The following MTF2 variants were observed in gnomAD, a reference collection of about 807,000 sequenced individuals.
The protein encoded by MTF2 is metal response element binding transcription factor 2.
Under a neutral mutation model 79.5 loss-of-function variants are expected in MTF2, and 11 were observed. That is an observed-to-expected ratio of 0.14 (90% CI 0.09 to 0.23). MTF2 has a LOEUF of 0.23. Among genes scored for constraint, MTF2 ranks in the 10% least tolerant of loss-of-function variants. The probability of loss-of-function intolerance (pLI) is 1.00; values close to 1 mark genes in which losing one functional copy is unlikely to be tolerated. For synonymous variants in MTF2, 208 were observed against 232.8 expected (o/e 0.89, Z 0.97); for missense variants, 486 against 711.2 (o/e 0.68, Z 3.60).
At chr1:93,102,526 A>T (rs1019068993) in intron 1 of MTF2, among the ~76,000 whole-genome samples, 19 of 152,084 alleles carry the variant, frequency 1.2e-4, no homozygotes, top group Admixed American at 3.3e-4. Context: ...CGGGAGATTG[A>T]GGCTGCAGTG....
chr1:93,085,176 TTTTCTTTTCTTTC>T (rs2101014881), intron 1 of MTF2, among the ~76,000 whole-genome samples: 1 of 151,944 alleles, frequency 6.6e-6, no homozygotes, highest in South Asian at 2.1e-4. Flanking sequence ...ACATTACCTT[TTTTCTTTTCTTTC>T]TTTCTTTTTT....
chr1:93,115,664 A>G lies in MTF2; in HGVS notation c.632+46A>G, dbSNP rs766516674. The G allele has an allele frequency of 6.2e-6, 9 of 1,441,376 alleles. No individual in the cohort carries two copies. In the Admixed American group the frequency reaches 2.0e-4, roughly 33 times the overall value. 89.3% of individuals were successfully genotyped at this position (1,441,376 alleles called of 1,614,324 possible). On this transcript the variant is annotated intron_variant, in intron 6 of 14. Transcript: ENST00000370298. ...AATTCCCTTTAAGTAATTTTTATTT[A>G]CTTATCTATTTTTCTTGATTATGGT...
chr1:93,104,907 A>G (rs989635922), intron 1 of MTF2, among the ~76,000 whole-genome samples: 1 of 152,104 alleles, frequency 6.6e-6, no homozygotes, highest in African/African-American at 2.4e-5. Context: ...CTGTAATCCC[A>G]GCACTTTGGG....
rs555189324 is a variant in MTF2 at position 93,093,319 on chromosome 1, A to T, written c.5+13788A>T. ...TTGCCTAGTTTTCTTTGAACATTAA[A>T]ATCTTCATACATCTTCAGTTCCACA... On this transcript the variant is annotated intron_variant, in intron 1 of 14. Transcript: ENST00000370298. Among the ~76,000 whole-genome samples, 3 of 152,324 alleles carry T rather than the reference A, an allele frequency of 2.0e-5. No homozygotes were observed. In the East Asian group the frequency reaches 5.8e-4, roughly 29 times the overall value.
At chr1:93,115,727 C>A in intron 6 of MTF2, 109 bp downstream of exon 6, 2 of 820,642 alleles carry the variant, frequency 2.4e-6, no homozygotes, top group Non-Finnish European at 3.4e-6. Context: ...ATGAACACAT[C>A]AGTGAAGAAA....
chr1:93,087,657 C>A (rs1293899678), intron 1 of MTF2, among the ~76,000 whole-genome samples: 1 of 151,806 alleles, frequency 6.6e-6, no homozygotes, highest in Non-Finnish European at 1.5e-5. Flanking sequence ...GGCCTGATTT[C>A]ATTCACCAGT....
intron 9 of MTF2, chr1:93,121,480 A>G: frequency 1.0e-6 from 1 of 982,718 alleles, no homozygotes; most frequent in Non-Finnish European, 1.2e-6. Context: ...AATTTTGCAC[A>G]CTGATTTGAA....
rs1656212222 is a variant in MTF2 at position 93,115,415 on chromosome 1, A to G, written c.484-55A>G. 6 of 1,359,610 alleles carry G rather than the reference A, an allele frequency of 4.4e-6. No homozygotes were observed. In the South Asian group the frequency reaches 7.7e-5, roughly 17 times the overall value. The allele number at this position is 1,359,610 out of a possible 1,614,324, so 84.2% of individuals were successfully genotyped here. A position where few individuals can be genotyped will look rare whatever the true frequency, so the allele number is the denominator to read the frequency against. ...GTCAGAGTCGTTTTTAAAGTATAGA[A>G]TTGTGTTTAAAATTTTAGCCTTCAC... On this transcript the variant is annotated intron_variant, in intron 5 of 14. Transcript: ENST00000370298.
intron 6 of MTF2, among the ~76,000 whole-genome samples, chr1:93,117,545 T>C (rs1313323124): frequency 6.6e-6 from 1 of 152,240 alleles, no homozygotes; most frequent in African/African-American, 2.4e-5. Flanking sequence ...AGATTTATGA[T>C]AATGTTAAGC....
intron 1 of MTF2, among the ~76,000 whole-genome samples, chr1:93,104,949 G>A (rs1326638605): frequency 6.6e-6 from 1 of 151,980 alleles, no homozygotes; most frequent in African/African-American, 2.4e-5. Flanking sequence ...GAGGTCAGGA[G>A]ATCGAGACCA....
chr1:93,086,923 A>G (rs1332578868), intron 1 of MTF2, among the ~76,000 whole-genome samples: 1 of 152,200 alleles, frequency 6.6e-6, no homozygotes, highest in Non-Finnish European at 1.5e-5. Flanking sequence ...GCTTATTTGC[A>G]TATACAAATG....
chr1:93,118,753 G>A (rs1442361676), intron 7 of MTF2, among the ~76,000 whole-genome samples: 1 of 152,022 alleles, frequency 6.6e-6, no homozygotes. Context: ...AAGACCACAG[G>A]GCCTTGTTAA....
chr1:93,079,494 G>T lies in MTF2; in HGVS notation c.-33G>T, dbSNP rs765304202. The T allele has an allele frequency of 1.9e-6, 3 of 1,613,806 alleles. No individual in the cohort carries two copies. ...GGGGACGGATTGGTTGTTTTTTCCT[G>T]TATGAAGCGGTTGGCACCACTGAAG... On this transcript the variant is annotated 5_prime_UTR_variant, in exon 1 of 15. Transcript: ENST00000370298.
chr1:93,082,718 T>A (rs1175363239), intron 1 of MTF2, among the ~76,000 whole-genome samples: 1 of 152,224 alleles, frequency 6.6e-6, no homozygotes, highest in East Asian at 1.9e-4. Flanking sequence ...TGTACATAAT[T>A]CACATGCATT....
chr1:93,129,639 A>G (rs1656840552), intron 11 of MTF2, among the ~76,000 whole-genome samples, 191 bp downstream of exon 11: 1 of 119,582 alleles, frequency 8.4e-6, no homozygotes, highest in African/African-American at 3.2e-5. Flanking sequence ...TTGTTTATTT[A>G]TTTTAGGACT....
intron 1 of MTF2, among the ~76,000 whole-genome samples, chr1:93,097,010 A>G (rs1225347593): frequency 1.3e-5 from 2 of 151,792 alleles, no homozygotes; most frequent in East Asian, 1.9e-4. Flanking sequence ...CGGTTTTACC[A>G]TGTTGCCTAG....
chr1:93,127,785 C>T (rs2101087324), intron 10 of MTF2, among the ~76,000 whole-genome samples: 1 of 151,190 alleles, frequency 6.6e-6, no homozygotes, highest in African/African-American at 2.4e-5. Flanking sequence ...GATATATTCT[C>T]ATACAGATCT....
intron 1 of MTF2, among the ~76,000 whole-genome samples, chr1:93,088,182 A>T (rs1654928225): frequency 6.6e-6 from 1 of 152,204 alleles, no homozygotes. Flanking sequence ...TTTCCAGTTC[A>T]TCCTTGCCTG....
chr1:93,109,424 C>G (rs1026223845), intron 1 of MTF2, among the ~76,000 whole-genome samples: 20 of 152,090 alleles, frequency 1.3e-4, no homozygotes, highest in African/African-American at 3.9e-4. Flanking sequence ...ACCTCCGCCT[C>G]CTGGGTTCAA....
Sources: allele counts gnomAD v4.1 joint callset (sites outside exome capture counted in the v4.1 genomes callset), GRCh38; gene constraint gnomAD v4.1.1; transcripts MANE v1.5; gene names NCBI Gene and HGNC (gene_info 2026-07-23, HGNC 2026-07-21).